The following FBXO42 variants were observed in gnomAD, a reference collection of about 807,000 sequenced individuals.
FBXO42 encodes F-box only protein 42.
FBXO42 carries 12 observed loss-of-function variants against 71.7 expected under a neutral mutation model. That is an observed-to-expected ratio of 0.17 (90% CI 0.11 to 0.27). The LOEUF is 0.27. FBXO42 is among the 10% of genes least tolerant of loss of function. The pLI, the probability that FBXO42 is intolerant of heterozygous loss-of-function variation, is 1.00. For missense variants in FBXO42, 707 were observed against 911.9 expected, an observed-to-expected ratio of 0.78 and a Z score of 2.89; for synonymous variants, 325 against 327.5, an observed-to-expected ratio of 0.99 and a Z score of 0.08.
At chr1:16,253,764 T>C (rs757799210) in intron 6 of FBXO42, 33 bp from the exon 7 acceptor site, 1 of 1,599,252 alleles carries the variant, frequency 6.3e-7, no homozygotes, top group Non-Finnish European at 8.6e-7. Context: ...TAAAGGTAGT[T>C]AGGAGCTCCC....
At chr1:16,266,214 T>C (rs2081770891) in intron 4 of FBXO42, among the ~76,000 whole-genome samples, 1 of 150,178 alleles carries the variant, frequency 6.7e-6, no homozygotes, top group Admixed American at 6.6e-5. Context: ...ATCTCTTTCA[T>C]ACATATATAG....
chr1:16,348,048 C>T (rs962337154), intron 1 of FBXO42, among the ~76,000 whole-genome samples: 2 of 150,828 alleles, frequency 1.3e-5, no homozygotes, highest in African/African-American at 4.9e-5. Flanking sequence ...AAGTCATAAG[C>T]TATATTATAA....
Position 16,246,885 on chromosome 1 carries a change from CA to C in FBXO42, c.*3784del, listed in dbSNP as rs1454483442. The stretch of plus-strand genomic sequence containing the variant: ...ATTTGTTAAATTGCTAAAAAGTCAT[CA>C]GGGGAAAACATTAACAAAAAATGAA... On this transcript the variant is annotated 3_prime_UTR_variant, in exon 10 of 10. Transcript: ENST00000375592. 1 of 152,144 alleles carries C rather than the reference CA, an allele frequency of 6.6e-6. No individual in the cohort carries two copies. The highest frequency in any genetic ancestry group is 2.4e-5 in the African/African-American group (1 of 41,428). The allele number at this position is 152,144 out of a possible 1,614,324, so 9.4% of individuals were successfully genotyped here.
intron 3 of FBXO42, 24 bp from the exon 4 acceptor site, chr1:16,294,941 C>A (rs753720665): frequency 6.4e-7 from 1 of 1,565,610 alleles, no homozygotes; most frequent in Non-Finnish European, 8.7e-7. Context: ...ACACAAATAA[C>A]TGCTGTGAAA....
chr1:16,349,091 T>C (rs1327070158), intron 1 of FBXO42, among the ~76,000 whole-genome samples: 1 of 152,176 alleles, frequency 6.6e-6, no homozygotes, highest in Admixed American at 6.6e-5. Flanking sequence ...AACTGGGGCA[T>C]ACTGTGTGGG....
rs377429495 is a variant in FBXO42 at position 16,275,838 on chromosome 1, G to A, written c.502+18945C>T. Among the ~76,000 whole-genome samples, 151 of 151,882 alleles carry A rather than the reference G, an allele frequency of 9.9e-4. 5 individuals are homozygous for A. In the South Asian group the frequency reaches 0.03, roughly 30 times the overall value. ...AGCCTGGCCAACATGGCAAAACCCC[G>A]TCTCTACTAAAAAAATTAGCCAGGC... On this transcript the variant is annotated intron_variant, in intron 4 of 9. Transcript: ENST00000375592.
At chr1:16,347,322 C>G (rs2082661770) in intron 1 of FBXO42, among the ~76,000 whole-genome samples, 1 of 151,242 alleles carries the variant, frequency 6.6e-6, no homozygotes. Flanking sequence ...TCGAGAGTAG[C>G]CTGGCCAACA....
chr1:16,350,757 A>AGAAAAGAAAAGAAAAGAAAG (rs1553156684), intron 1 of FBXO42, among the ~76,000 whole-genome samples: 7 of 44,248 alleles, frequency 1.6e-4, no homozygotes, highest in Non-Finnish European at 2.9e-4. Flanking sequence ...AAAAAAAAAA[A>AGAAAAGAAAAGAAAAGAAAG]AAAGAAAGAA....
rs763063776 is a variant in FBXO42, at chr1:16,283,494, G to GTTTTTTTTTTTTGTTTTTTT, written c.502+11288_502+11289insAAAAAAACAAAAAAAAAAAA. Reference sequence around the variant, plus strand: ...TTATAGACTCTTCTAACTGTGGCAAGTTTTTTTTTTTTTTTTTTTTTTTGA... The same window carrying GTTTTTTTTTTTTGTTTTTTT: ...TTATAGACTCTTCTAACTGTGGCAAGTTTTTTTTTTTTGTTTTTTTTTTTTTTTTTTTTTTTTTTTTTTGA... On this transcript the variant is annotated intron_variant, in intron 4 of 9. Coordinates refer to ENST00000375592, the MANE Select transcript of FBXO42 (RefSeq NM_018994.3). 8.6e-5 allele frequency among the ~76,000 whole-genome samples: 7 copies of GTTTTTTTTTTTTGTTTTTTT among 80,986 alleles called. 1 individual carries two copies. Among genetic ancestry groups the GTTTTTTTTTTTTGTTTTTTT allele is most frequent in the Admixed American group, 3.0e-4 (2 of 6,754 alleles). The allele number at this position is 80,986 out of a possible 152,430, so 53.1% of individuals were successfully genotyped here.
intron 2 of FBXO42, 109 bp downstream of exon 2, chr1:16,315,060 T>C (rs1284297312): frequency 5.5e-6 from 7 of 1,261,274 alleles, no homozygotes; most frequent in South Asian, 4.7e-5. Context: ...TAATGCTAGA[T>C]TTTATAACCA....
At chr1:16,282,095 A>T (rs1427210271) in intron 4 of FBXO42, among the ~76,000 whole-genome samples, 2 of 151,966 alleles carry the variant, frequency 1.3e-5, no homozygotes, top group Non-Finnish European at 2.9e-5. Context: ...CACATCACAT[A>T]CTCACCTAAT....
intron 1 of FBXO42, among the ~76,000 whole-genome samples, chr1:16,315,962 G>T (rs532059205): frequency 2.5e-4 from 38 of 152,104 alleles, no homozygotes; most frequent in African/African-American, 8.2e-4. Context: ...CCTGAAGTTG[G>T]GAGTTTGAGA....
chr1:16,263,807 CTTTTT>C (rs1193282987), intron 4 of FBXO42, among the ~76,000 whole-genome samples: 1 of 126,634 alleles, frequency 7.9e-6, no homozygotes. Flanking sequence ...CATACATTAA[CTTTTT>C]TTTTTTTTTT....
intron 1 of FBXO42, among the ~76,000 whole-genome samples, chr1:16,339,626 T>A (rs775755161): frequency 1.4e-4 from 21 of 152,208 alleles, no homozygotes; most frequent in Non-Finnish European, 1.9e-4. Flanking sequence ...TATGTTCTTA[T>A]GTAAATTTTC....
chr1:16,301,963 T>C (rs1425167036), intron 3 of FBXO42, among the ~76,000 whole-genome samples: 1 of 152,138 alleles, frequency 6.6e-6, no homozygotes, highest in African/African-American at 2.4e-5. Flanking sequence ...ATTTGTCATA[T>C]CCATTTTTCA....
intron 3 of FBXO42, among the ~76,000 whole-genome samples, chr1:16,302,794 G>A (rs1005614719): frequency 1.3e-5 from 2 of 152,244 alleles, no homozygotes; most frequent in African/African-American, 4.8e-5. Context: ...ACAGGCGTAA[G>A]CCACTGCGGC....
At chr1:16,323,937 G>A (rs2082430503) in intron 1 of FBXO42, among the ~76,000 whole-genome samples, 3 of 151,992 alleles carry the variant, frequency 2.0e-5, no homozygotes, top group Admixed American at 2.0e-4. Context: ...GGACAAAGCA[G>A]CAACCCTGAA....
chr1:16,270,827 C>T (rs895899537), intron 4 of FBXO42, among the ~76,000 whole-genome samples: 5 of 148,140 alleles, frequency 3.4e-5, no homozygotes, highest in African/African-American at 1.2e-4. Context: ...CTACTATGTG[C>T]CAGGTACTAG....
At chr1:16,261,962 T>C (rs1569820268) in intron 4 of FBXO42, among the ~76,000 whole-genome samples, 1 of 152,158 alleles carries the variant, frequency 6.6e-6, no homozygotes, top group Non-Finnish European at 1.5e-5. Flanking sequence ...TCCACCCGCC[T>C]TGGTCTCCCA....
Sources: allele counts gnomAD v4.1 joint callset (sites outside exome capture counted in the v4.1 genomes callset), GRCh38; gene constraint gnomAD v4.1.1; transcripts MANE v1.5; gene names NCBI Gene and HGNC (gene_info 2026-07-23, HGNC 2026-07-21).